ZFHX2: variants seen among roughly 807,000 people sequenced by gnomAD.
ZFHX2 encodes the protein zinc finger homeobox 2, also known as zinc finger homeobox protein 2.
ZFHX2 carries 75 observed loss-of-function variants against 164.8 expected under a neutral mutation model. The observed-to-expected ratio is 0.46, with a 90% confidence interval of 0.38 to 0.55. The LOEUF (loss-of-function observed/expected upper bound fraction) is 0.55, where lower values mean the gene tolerates loss of function less well. Ranked by LOEUF, ZFHX2 falls within the 20% of genes least tolerant of loss-of-function variation. ZFHX2 has a pLI of 0.00. For synonymous variants in ZFHX2, 1,217 were observed against 1,351.4 expected, an observed-to-expected ratio of 0.90 and a Z score of 2.18; for missense variants, 2,933 against 3,308.0, an observed-to-expected ratio of 0.89 and a Z score of 2.78.
Position 23,525,795 on chromosome 14 carries a change from G to T in ZFHX2, c.4147C>A (p.Pro1383Thr), listed in dbSNP as rs1248976673. Residue 1383 changes from proline to threonine, a missense_variant, in exon 9 of 10, where the codon CCT becomes ACT. Pro to Thr is a conservative substitution (Grantham distance 38). Coordinates refer to ENST00000419474, the MANE Select transcript of ZFHX2 (RefSeq NM_033400.3). This position sits in a 1 kb window ranked among gnomAD's most constrained non-coding sequence, Gnocchi z 5.9. ...KVGPKLTLAG[P>T]APVLSLPAAT... ...GCTGGCAGGGACAGCACAGGTGCAG[G>T]CCCAGCTAGTGTCAGCTTGGGCCCC... 2 of 1,482,310 alleles carry T rather than the reference G, an allele frequency of 1.3e-6. No individual in the cohort carries two copies. 91.8% of individuals were successfully genotyped at this position (1,482,310 alleles called of 1,614,324 possible).
chr14:23,526,455 C>G lies in ZFHX2; in HGVS notation c.3487G>C (p.Ala1163Pro), dbSNP rs1878723861. Residue 1163 changes from alanine (A) to proline (P), a missense_variant, in exon 9 of 10, where the codon GCT becomes CCT. Physicochemically the swap from Ala to Pro is conservative, Grantham distance 27. Coordinates refer to ENST00000419474, the MANE Select transcript of ZFHX2 (RefSeq NM_033400.3). ...AGAGGGTGGCGAGAGTCAGCTGGAG[C>G]TGGCTCTGCAGAGCGGAGCTCCCCA... is the stretch of plus-strand genomic sequence containing the variant. ...TTGELRSAEPAPADSRHPLTY... is the reference protein window; with the variant it reads ...TTGELRSAEPPPADSRHPLTY... 1 of 1,536,032 alleles carries G rather than the reference C, an allele frequency of 6.5e-7. No individual in the cohort carries two copies. Among genetic ancestry groups the G allele is most frequent in the Non-Finnish European group, 8.7e-7 (1 of 1,146,836 alleles).
intron 3 of ZFHX2, 102 bp from the exon 4 acceptor site, chr14:23,531,823 G>C: frequency 8.0e-7 from 1 of 1,248,836 alleles, no homozygotes; most frequent in Non-Finnish European, 1.0e-6. Flanking sequence ...TGTTGCCCAG[G>C]CTGGAGTGCA....
intron 1 of ZFHX2, among the ~76,000 whole-genome samples, chr14:23,547,640 A>C (rs1881527983): frequency 6.6e-6 from 1 of 152,130 alleles, no homozygotes; most frequent in African/African-American, 2.4e-5. Flanking sequence ...TGTCTGCCTC[A>C]GATCTCACTG....
Position 23,526,877 on chromosome 14 carries a change from C to T in ZFHX2, c.3232G>A (p.Glu1078Lys), listed in dbSNP as rs1424928634. The T allele has an allele frequency of 6.5e-7, 1 of 1,534,052 alleles. No individual in the cohort carries two copies. Among genetic ancestry groups the T allele is most frequent in the Non-Finnish European group, 8.7e-7 (1 of 1,146,002 alleles). Residue 1078 changes from glutamate to lysine, a missense_variant, in exon 8 of 10, where the codon GAG (glutamate) becomes AAG (lysine). Coordinates refer to ENST00000419474, the MANE Select transcript of ZFHX2 (RefSeq NM_033400.3). Reference protein sequence around the residue: ...NGQEPPTHGPEPTPSRDQAAE... With the variant: ...NGQEPPTHGPKPTPSRDQAAE... ...GCCTGGTCTCTGCTCGGTGTAGGCT[C>T]TGGCCCATGAGTGGGGGGTTCTTGG... is the stretch of plus-strand genomic sequence containing the variant.
At chr14:23,552,182 T>C (rs984698130), upstream of ZFHX2, among the ~76,000 whole-genome samples, 1 of 152,158 alleles carries the variant, frequency 6.6e-6, no homozygotes, top group East Asian at 1.9e-4. Flanking sequence ...CTTTAGTCTC[T>C]GAGAGCTTCT....
chr14:23,522,311 T>A lies in ZFHX2; in HGVS notation c.7370A>T (p.Lys2457Met), dbSNP rs1484953920. 2.0e-6 allele frequency: 3 copies of A among 1,523,754 alleles called. No individual in the cohort carries two copies. Among genetic ancestry groups the A allele is most frequent in the Non-Finnish European group, 1.8e-6 (2 of 1,139,172 alleles). The allele number at this position is 1,523,754 out of a possible 1,614,324, so 94.4% of individuals were successfully genotyped here. A position where few individuals can be genotyped will look rare whatever the true frequency, so the allele number is the denominator to read the frequency against. The change falls in exon 10 of 10, where the codon AAG (lysine) becomes ATG (methionine). Residue 2457 changes from lysine (K) to methionine (M), a missense_variant. Coordinates refer to ENST00000419474, the MANE Select transcript of ZFHX2 (RefSeq NM_033400.3). ...CGGGGCCTCCCCGTCAAATGCCATC[T>A]TGCACTGGCGGCACAGGTAGCGATG... ...VTHRYLCRQC[K>M]MAFDGEAPAT...
In ZFHX2 at chr14:23,525,357, G is replaced by A; in HGVS notation, c.4585C>T (p.Pro1529Ser). 2.0e-6 allele frequency: 3 copies of A among 1,536,168 alleles called. No homozygotes were observed. Among genetic ancestry groups the A allele is most frequent in the Non-Finnish European group, 1.7e-6 (2 of 1,146,926 alleles). ...GGAGGTTTGGGAGGCTCTGCAAGGG[G>A]CGGGTATAGGCTGTCATAGCTCTTT... ...FRKSYDSLYP[P>S]LAEPPKPPDG... is the part of the protein sequence containing the mutation. The change falls in exon 9 of 10, where the codon CCC (proline) becomes TCC (serine). Residue 1529 changes from proline (P) to serine (S), a missense_variant. By Grantham distance (74) the Pro-to-Ser change is moderately conservative (BLOSUM62 -1). Coordinates refer to ENST00000419474, the MANE Select transcript of ZFHX2 (RefSeq NM_033400.3). This position sits in a 1 kb window ranked among gnomAD's most constrained non-coding sequence, Gnocchi z 5.9.
chr14:23,542,928 G>T (rs1039273104), intron 1 of ZFHX2: 2 of 152,112 alleles, frequency 1.3e-5, no homozygotes, highest in African/African-American at 4.8e-5. Flanking sequence ...TAGAGACAGG[G>T]TTTCACCATG....
At chr14:23,541,783 G>C (rs562657215) in intron 1 of ZFHX2, among the ~76,000 whole-genome samples, 1 of 151,864 alleles carries the variant, frequency 6.6e-6, no homozygotes, top group African/African-American at 2.4e-5. Context: ...TTTTTCCAAA[G>C]ATCCTTTCCA....
chr14:23,553,051 A>G (rs1272648569), upstream of ZFHX2, among the ~76,000 whole-genome samples: 1 of 152,224 alleles, frequency 6.6e-6, no homozygotes, highest in Non-Finnish European at 1.5e-5. Flanking sequence ...CTAAGGCACA[A>G]ACAAGTGAAT....
At chr14:23,531,411 A>AG in intron 4 of ZFHX2, 70 bp downstream of exon 4, 1 of 1,336,558 alleles carries the variant, frequency 7.5e-7, no homozygotes, top group South Asian at 2.1e-5. Flanking sequence ...CTAACTCCGC[A>AG]GCCCCCCTGC....
Position 23,523,376 on chromosome 14 carries a change from T to C in ZFHX2, c.6566A>G (p.Tyr2189Cys). ...RAQLKSESKC[Y>C]DLAPAPEAPP... ...AGCCTCAGGTGCTGGGGCCAAGTCG[T>C]AGCACTTGCTTTCACTCTTCAGCTG... Residue 2189 changes from tyrosine (Y) to cysteine (C), a missense_variant, in exon 9 of 10, where the codon TAC becomes TGC. Tyr to Cys is a radical substitution (Grantham distance 194, BLOSUM62 -2). Coordinates refer to ENST00000419474, the MANE Select transcript of ZFHX2 (RefSeq NM_033400.3). This position sits in a 1 kb window ranked among gnomAD's most constrained non-coding sequence, Gnocchi z 4.1. The C allele has an allele frequency of 6.7e-7, 1 of 1,491,430 alleles. No individual in the cohort carries two copies. The highest frequency in any genetic ancestry group is 8.9e-7 in the Non-Finnish European group (1 of 1,124,070). 92.4% of individuals were successfully genotyped at this position (1,491,430 alleles called of 1,614,324 possible).
chr14:23,531,386 G>A (rs947787779), intron 4 of ZFHX2, 95 bp downstream of exon 4: 16 of 1,322,856 alleles, frequency 1.2e-5, no homozygotes, highest in African/African-American at 6.0e-5. Flanking sequence ...GGCCCTCTTC[G>A]CCTTCCTTGT....
chr14:23,524,174 C>G lies in ZFHX2; in HGVS notation c.5768G>C (p.Gly1923Ala), dbSNP rs1022264246. The G allele has an allele frequency of 1.3e-6, 2 of 1,535,972 alleles. No homozygotes were observed. Among genetic ancestry groups the G allele is most frequent in the Non-Finnish European group, 8.7e-7 (1 of 1,146,892 alleles). Residue 1923 changes from glycine (G) to alanine (A), a missense_variant, in exon 9 of 10, where the codon GGG becomes GCG. Gly to Ala is a moderately conservative substitution (Grantham distance 60). Coordinates refer to ENST00000419474, the MANE Select transcript of ZFHX2 (RefSeq NM_033400.3). This position sits in a 1 kb window ranked among gnomAD's most constrained non-coding sequence, Gnocchi z 5.6. Reference sequence around the variant, plus strand: ...CGGTTTCACTGCTGGACTAGGCACCCCCCCAGGGGTGCTTCGAAACTGGCC... The same window carrying G: ...CGGTTTCACTGCTGGACTAGGCACCGCCCCAGGGGTGCTTCGAAACTGGCC... ...RKGQFRSTPGGVPSPAVKPPA... is the reference protein window; with the variant it reads ...RKGQFRSTPGAVPSPAVKPPA...
upstream of ZFHX2, among the ~76,000 whole-genome samples, chr14:23,552,832 CCT>C: frequency 6.6e-6 from 1 of 152,146 alleles, no homozygotes; most frequent in Middle Eastern, 3.4e-3. Context: ...GAACTCCTGA[CCT>C]CAGGTGATCC....
At position 23,524,714 on chromosome 14, in the gene ZFHX2, T is replaced by C. The variant is rs763060020; in HGVS notation, c.5228A>G (p.Glu1743Gly). Residue 1743 changes from glutamate (E) to glycine (G), a missense_variant, in exon 9 of 10, where the codon GAG (glutamate) becomes GGG (glycine). Physicochemically the swap from Glu to Gly is moderately conservative, Grantham distance 98. Transcript: ENST00000419474. This position sits in a 1 kb window ranked among gnomAD's most constrained non-coding sequence, Gnocchi z 5.6. ...CTTTGTTGCCTCTGCTTGGCTCAGC[T>C]CCTCCCCATCTGGAGGCTCTGGTAA... The part of the protein sequence containing the change: ...GPLPEPPDGE[E>G]LSQAEATKAG... The C allele has an allele frequency of 1.4e-5, 21 of 1,536,122 alleles. No individual in the cohort carries two copies. Among genetic ancestry groups the C allele is most frequent in the Non-Finnish European group, 1.7e-5 (19 of 1,146,914 alleles).
chr14:23,555,036 G>A (rs1882248637), upstream of ZFHX2, among the ~76,000 whole-genome samples: 1 of 152,186 alleles, frequency 6.6e-6, no homozygotes, highest in African/African-American at 2.4e-5. Context: ...CGCCCAGGCT[G>A]GAGTGCAGTG....
At position 23,521,969 on chromosome 14, in the gene ZFHX2, G is replaced by A; in HGVS notation, c.7712C>T (p.Ala2571Val). 1 of 1,536,300 alleles carries A rather than the reference G, an allele frequency of 6.5e-7. No homozygotes were observed. Among genetic ancestry groups the A allele is most frequent in the East Asian group, 2.4e-5 (1 of 40,922 alleles). ...PKTTTTSTLL[A>V]L The stretch of plus-strand genomic sequence containing the variant: ...CCATCTTGGTTAATCTGTTTATAAA[G>A]CTAGAAGTGTAGAGGTAGTCGTAGT... The change falls in exon 10 of 10, where the codon GCT becomes GTT. Residue 2571 changes from alanine (A) to valine (V), a missense_variant. Physicochemically the swap from Ala to Val is moderately conservative, Grantham distance 64. Coordinates refer to ENST00000419474, the MANE Select transcript of ZFHX2 (RefSeq NM_033400.3).
At position 23,527,663 on chromosome 14, in the gene ZFHX2, A is replaced by C; in HGVS notation, c.3076T>G (p.Phe1026Val). 1 of 1,536,336 alleles carries C rather than the reference A, an allele frequency of 6.5e-7. No homozygotes were observed. Among genetic ancestry groups the C allele is most frequent in the Non-Finnish European group, 8.7e-7 (1 of 1,146,946 alleles). ...EQLVGRPALH[F>V]HLSHLHNVVP... ...ACGTTGTGAAGGTGGCTAAGGTGGA[A>C]GTGCAGGGCAGGCCGGCCCACCAGC... The change falls in exon 7 of 10, where the codon TTC becomes GTC. Residue 1026 changes from phenylalanine to valine, a missense_variant. Coordinates refer to ENST00000419474, the MANE Select transcript of ZFHX2 (RefSeq NM_033400.3).
Sources: gnomAD v4.1 joint callset for allele counts (sites outside exome capture counted in the v4.1 genomes callset) on GRCh38, gnomAD v4.1.1 for gene constraint, Gnocchi (gnomAD v3.1) non-coding constraint, MANE v1.5 for transcripts, NCBI Gene and HGNC (gene_info 2026-07-23, HGNC 2026-07-21) for gene names.